MOB3B: variants seen among roughly 807,000 people sequenced by gnomAD.
The protein encoded by MOB3B is MOB kinase activator 3B.
MOB3B carries 7 observed loss-of-function variants against 18.7 expected under a neutral mutation model. The observed-to-expected ratio is 0.37, with a 90% confidence interval of 0.21 to 0.70. The LOEUF is 0.70. Ranked by LOEUF, MOB3B falls within the 30% of genes least tolerant of loss-of-function variation. MOB3B has a pLI of 0.52. For missense variants in MOB3B, 253 were observed against 281.3 expected (o/e 0.90, Z 0.72); for synonymous variants, 111 against 99.9 (o/e 1.11, Z -0.66).
At chr9:27,427,780 A>G (rs1418229949) in intron 2 of MOB3B, among the ~76,000 whole-genome samples, 1 of 152,294 alleles carries the variant, frequency 6.6e-6, no homozygotes, top group East Asian at 1.9e-4. Context: ...TTTATTTCCC[A>G]TCATGCCCTT....
In MOB3B at chr9:27,357,121, A is replaced by AATATATATATATATATATAT. The variant is rs56064443; in HGVS notation, c.621+1893_621+1912dup. Among the ~76,000 whole-genome samples the AATATATATATATATATATAT allele has an allele frequency of 1.4e-3, 86 of 62,884 alleles. 8 individuals carry two copies. The highest frequency in any genetic ancestry group is 1.0e-2 in the East Asian group (13 of 1,302). The allele number at this position is 62,884 out of a possible 152,430, so 41.3% of individuals were successfully genotyped here. A position where few individuals can be genotyped will look rare whatever the true frequency, so the allele number is the denominator to read the frequency against. Reference sequence around the variant, plus strand: ...TGTTCCAGGACTACTGAGTAATGCAAATATATATATATATATATATATATG... The same window carrying AATATATATATATATATATAT: ...TGTTCCAGGACTACTGAGTAATGCAAATATATATATATATATATATATATATATATATATATATATATATG... On this transcript the variant is annotated intron_variant, in intron 3 of 3. Coordinates refer to ENST00000262244, the MANE Select transcript of MOB3B (RefSeq NM_024761.5).
chr9:27,388,095 AG>A (rs1161213535), intron 2 of MOB3B, among the ~76,000 whole-genome samples: 1 of 152,228 alleles, frequency 6.6e-6, no homozygotes, highest in Non-Finnish European at 1.5e-5. Flanking sequence ...AGAATTATCC[AG>A]CTCAAACATC....
chr9:27,501,016 G>A (rs1819982610), intron 1 of MOB3B, among the ~76,000 whole-genome samples: 1 of 152,130 alleles, frequency 6.6e-6, no homozygotes. Flanking sequence ...ATCATCACTG[G>A]TCATTAGAGA....
At chr9:27,426,430 C>T (rs1021650954) in intron 2 of MOB3B, among the ~76,000 whole-genome samples, 7 of 152,188 alleles carry the variant, frequency 4.6e-5, no homozygotes, top group Admixed American at 2.0e-4. Flanking sequence ...TTCAAGCCTG[C>T]ATCAGTTGAG....
chr9:27,387,923 C>G (rs529326439), intron 2 of MOB3B, among the ~76,000 whole-genome samples: 1 of 152,012 alleles, frequency 6.6e-6, no homozygotes, highest in African/African-American at 2.4e-5. Context: ...AGCCATGTTT[C>G]TCAACTAGAA....
At chr9:27,480,230 A>G (rs1278632002) in intron 1 of MOB3B, among the ~76,000 whole-genome samples, 4 of 151,808 alleles carry the variant, frequency 2.6e-5, no homozygotes, top group Non-Finnish European at 5.9e-5. Context: ...GCTCACTGCA[A>G]CTGCAACCTC....
intron 1 of MOB3B, among the ~76,000 whole-genome samples, chr9:27,482,918 CTT>C (rs1171501487): frequency 6.6e-6 from 1 of 152,170 alleles, no homozygotes; most frequent in Non-Finnish European, 1.5e-5. Context: ...GGACTGGACT[CTT>C]TTCCTAGAGT....
chr9:27,485,400 A>G (rs1819717736), intron 1 of MOB3B, among the ~76,000 whole-genome samples: 1 of 152,154 alleles, frequency 6.6e-6, no homozygotes, highest in African/African-American at 2.4e-5. Context: ...TCTAAAGCCT[A>G]TTTCCTTTCT....
chr9:27,356,330 G>T (rs2131353046), intron 3 of MOB3B, among the ~76,000 whole-genome samples: 1 of 152,296 alleles, frequency 6.6e-6, no homozygotes, highest in South Asian at 2.1e-4. Flanking sequence ...CAATTAAACT[G>T]TTAAAAATGT....
chr9:27,326,606 C>T lies in MOB3B; in HGVS notation c.*3981G>A. 2.5e-6 allele frequency: 1 copy of T among 398,444 alleles called. No homozygotes were observed. The highest frequency in any genetic ancestry group is 4.4e-5 in the Admixed American group (1 of 22,726). 24.7% of individuals were successfully genotyped at this position (398,444 alleles called of 1,614,324 possible). A position where few individuals can be genotyped will look rare whatever the true frequency, so the allele number is the denominator to read the frequency against. ...ATAGATTTTTTCACCAAGGAAGTTA[C>T]TGGCATGGTTTGAGAGATAGAAGGA... On this transcript the variant is annotated 3_prime_UTR_variant, in exon 4 of 4. Transcript: ENST00000262244.
rs374471304 is a variant in MOB3B at position 27,396,332 on chromosome 9, G to C, written c.419-37096C>G. ...CTCTATTCATAGCTTTCGTCCCTGG[G>C]GGAACTGCTCCCTCAGTCACTGGGG... is the stretch of plus-strand genomic sequence containing the variant. On this transcript the variant is annotated intron_variant, in intron 2 of 3. Coordinates refer to ENST00000262244, the MANE Select transcript of MOB3B (RefSeq NM_024761.5). Among the ~76,000 whole-genome samples, 51 of 152,006 alleles carry C rather than the reference G, an allele frequency of 3.4e-4. No individual in the cohort carries two copies. The East Asian group carries it at 6.0e-3, about 18-fold the overall frequency.
chr9:27,396,345 T>C (rs190241705), intron 2 of MOB3B, among the ~76,000 whole-genome samples: 34 of 152,252 alleles, frequency 2.2e-4, no homozygotes, highest in African/African-American at 7.9e-4. Flanking sequence ...AACTGCTCCC[T>C]CAGTCACTGG....
chr9:27,485,917 T>A (rs1391259853), intron 1 of MOB3B, among the ~76,000 whole-genome samples: 1 of 152,242 alleles, frequency 6.6e-6, no homozygotes, highest in Non-Finnish European at 1.5e-5. Context: ...CAAGACTTTT[T>A]ACAAAGAGAG....
chr9:27,336,325 G>C (rs1172560127), intron 3 of MOB3B, among the ~76,000 whole-genome samples: 3 of 147,026 alleles, frequency 2.0e-5, no homozygotes, highest in African/African-American at 8.1e-5. Context: ...GTTGTAAAAT[G>C]GATAAGGGGG....
intron 1 of MOB3B, among the ~76,000 whole-genome samples, chr9:27,464,028 T>C (rs1449359354): frequency 6.6e-6 from 1 of 152,154 alleles, no homozygotes; most frequent in African/African-American, 2.4e-5. Context: ...AAGGTTACTG[T>C]GAAAATTAGA....
intron 2 of MOB3B, among the ~76,000 whole-genome samples, chr9:27,376,456 C>G (rs1821490894): frequency 6.6e-6 from 1 of 152,146 alleles, no homozygotes; most frequent in Non-Finnish European, 1.5e-5. Flanking sequence ...CTGAGTTTCC[C>G]AGAAGTATGC....
intron 1 of MOB3B, among the ~76,000 whole-genome samples, chr9:27,524,150 T>TAAAAAAAAAAAAAAAAAAAAAAAA: frequency 1.1e-5 from 1 of 90,274 alleles, no homozygotes; most frequent in Non-Finnish European, 2.1e-5. Context: ...TCACCCGAAG[T>TAAAAAAAAAAAAAAAAAAAAAAAA]AAAAAAAAAA....
intron 2 of MOB3B, among the ~76,000 whole-genome samples, chr9:27,412,305 T>C (rs1054925582): frequency 6.8e-6 from 1 of 146,928 alleles, no homozygotes; most frequent in African/African-American, 2.5e-5. Flanking sequence ...TTTCCTTTCC[T>C]GGAGATTCTT....
chr9:27,417,082 G>A (rs754880022), intron 2 of MOB3B, among the ~76,000 whole-genome samples: 22 of 152,146 alleles, frequency 1.4e-4, no homozygotes, highest in Non-Finnish European at 2.6e-4. Flanking sequence ...CTCAAATGCC[G>A]GCAGGGTGCA....
Sources: gnomAD v4.1 joint callset for allele counts (sites outside exome capture counted in the v4.1 genomes callset) on GRCh38, gnomAD v4.1.1 for gene constraint, MANE v1.5 for transcripts, NCBI Gene and HGNC (gene_info 2026-07-23, HGNC 2026-07-21) for gene names.